Variants in KCNMA1 observed in about 807,000 individuals in gnomAD.
KCNMA1 encodes Calcium-activated potassium channel subunit alpha-1.
In KCNMA1, 29 loss-of-function variants were observed where a neutral mutation model predicts 140.0. The observed-to-expected ratio is 0.21, with a 90% CI of 0.15 to 0.28. The LOEUF (loss-of-function observed/expected upper bound fraction) is 0.28. Ranked by LOEUF, KCNMA1 falls within the 10% of genes least tolerant of loss-of-function variation. The pLI is 1.00. For missense variants in KCNMA1, 880 were observed against 1,602.2 expected, an observed-to-expected ratio of 0.55 and a Z score of 7.70; for synonymous variants, 612 against 611.9, an observed-to-expected ratio of 1.00 and a Z score of 0.00.
At chr10:77,350,104 G>A (rs558690092) in intron 2 of KCNMA1, among the ~76,000 whole-genome samples, 11 of 152,218 alleles carry the variant, frequency 7.2e-5, no homozygotes, top group Middle Eastern at 3.4e-3. Context: ...TCACCATGTT[G>A]GCCAGGCCAG....
At position 77,115,797 on chromosome 10, in the gene KCNMA1, A is replaced by G. The variant is rs1414881960; in HGVS notation, c.885-3355T>C. Among the ~76,000 whole-genome samples, 4 of 152,218 alleles carry G rather than the reference A, an allele frequency of 2.6e-5. No individual in the cohort carries two copies. The East Asian group carries it at 7.7e-4, about 29-fold the overall frequency. Reference sequence around the variant, plus strand: ...CCATGTTTAGCTCTGAAATCTGATTATTTTTATGACATCAGTATTATCACA... The same window carrying G: ...CCATGTTTAGCTCTGAAATCTGATTGTTTTTATGACATCAGTATTATCACA... On this transcript the variant is annotated intron_variant, in intron 6 of 27. Transcript: ENST00000286628.
chr10:77,615,561 G>A (rs1469292892), intron 1 of KCNMA1, among the ~76,000 whole-genome samples: 1 of 152,186 alleles, frequency 6.6e-6, no homozygotes, highest in East Asian at 1.9e-4. Context: ...TTTACAGGTG[G>A]CAAACTGAGG....
chr10:77,297,458 C>G (rs1280652901), intron 2 of KCNMA1, among the ~76,000 whole-genome samples: 1 of 152,184 alleles, frequency 6.6e-6, no homozygotes, highest in Admixed American at 6.5e-5. Flanking sequence ...CATTTTCCTT[C>G]ATTCAAGTAA....
chr10:76,948,916 C>T (rs772670265), intron 22 of KCNMA1: 10 of 597,546 alleles, frequency 1.7e-5, no homozygotes, highest in African/African-American at 9.3e-5. Flanking sequence ...ACAAGCTAAA[C>T]TTCATCCCTG....
chr10:77,477,247 C>T (rs1220800046), intron 1 of KCNMA1, among the ~76,000 whole-genome samples: 3 of 152,202 alleles, frequency 2.0e-5, no homozygotes, highest in East Asian at 1.9e-4. Flanking sequence ...TATCATAACA[C>T]GAAACACTGA....
chr10:77,291,748 A>T (rs1378975873), intron 2 of KCNMA1, among the ~76,000 whole-genome samples: 1 of 152,216 alleles, frequency 6.6e-6, no homozygotes, highest in Non-Finnish European at 1.5e-5. Flanking sequence ...AAAAGGAGTG[A>T]ACATTTTCAA....
At chr10:77,060,109 C>T (rs372101311) in intron 14 of KCNMA1, among the ~76,000 whole-genome samples, 6 of 152,054 alleles carry the variant, frequency 3.9e-5, no homozygotes, top group Non-Finnish European at 8.8e-5. Flanking sequence ...CTGGAAGATA[C>T]GACATAGTAA....
intron 19 of KCNMA1, among the ~76,000 whole-genome samples, chr10:76,994,764 CA>C (rs1163203417): frequency 6.6e-6 from 1 of 152,150 alleles, no homozygotes. Flanking sequence ...TCAAAGATCC[CA>C]AATGTTAAGA....
intron 5 of KCNMA1, among the ~76,000 whole-genome samples, chr10:77,127,366 T>G (rs912655550): frequency 6.6e-6 from 1 of 152,014 alleles, no homozygotes; most frequent in Non-Finnish European, 1.5e-5. Flanking sequence ...TGTGACAAAC[T>G]CCACAAAGCC....
At chr10:77,015,405 C>T (rs149263932) in intron 17 of KCNMA1, among the ~76,000 whole-genome samples, 2,370 of 152,218 alleles carry the variant, frequency 0.016, 20 homozygotes, top group Non-Finnish European at 0.023. Flanking sequence ...CTCTGCAGTG[C>T]TTGGCCATCC....
chr10:77,037,989 T>C (rs1565698527), intron 15 of KCNMA1, among the ~76,000 whole-genome samples: 1 of 152,160 alleles, frequency 6.6e-6, no homozygotes, highest in Non-Finnish European at 1.5e-5. Context: ...GGGCATCCAT[T>C]TTCAGAAAAT....
intron 1 of KCNMA1, among the ~76,000 whole-genome samples, chr10:77,620,006 G>A (rs1319660852): frequency 1.3e-5 from 2 of 152,138 alleles, no homozygotes; most frequent in African/African-American, 2.4e-5. Flanking sequence ...GGTCATCTCC[G>A]CTTTTCCCAG....
At chr10:76,922,414 G>A (rs1045168267) in intron 23 of KCNMA1, among the ~76,000 whole-genome samples, 4 of 151,972 alleles carry the variant, frequency 2.6e-5, no homozygotes, top group Non-Finnish European at 5.9e-5. Flanking sequence ...AAGAAACTCC[G>A]CCCCCACCCT....
At chr10:77,396,656 T>C (rs931280553) in intron 2 of KCNMA1, among the ~76,000 whole-genome samples, 12 of 152,224 alleles carry the variant, frequency 7.9e-5, no homozygotes, top group Non-Finnish European at 7.3e-5. Context: ...TGGTCCAGGC[T>C]ATGTATATAA....
intron 9 of KCNMA1, among the ~76,000 whole-genome samples, chr10:77,095,537 G>T (rs765799912): frequency 6.6e-6 from 1 of 152,114 alleles, no homozygotes; most frequent in Admixed American, 6.6e-5. Flanking sequence ...AGGGCAGTGC[G>T]GTGGGTCACG....
rs563617476 is a variant in KCNMA1 at position 76,889,823 on chromosome 10, G to A, written c.3343-254C>T. ...TCCAGTTTTCCACCTGTCGCAGTGG[G>A]GTTTGAAAGCTCTAAGGAGATTATG... On this transcript the variant is annotated intron_variant, in intron 26 of 27. Coordinates refer to ENST00000286628, the MANE Select transcript of KCNMA1 (RefSeq NM_001161352.2). 6.4e-4 allele frequency: 340 copies of A among 532,392 alleles called. 1 individual carries two copies. The highest frequency in any genetic ancestry group is 1.4e-3 in the Middle Eastern group (3 of 2,178). 33.0% of individuals were successfully genotyped at this position (532,392 alleles called of 1,614,324 possible).
intron 3 of KCNMA1, among the ~76,000 whole-genome samples, chr10:77,238,046 G>A (rs1344743385): frequency 6.6e-6 from 1 of 152,166 alleles, no homozygotes; most frequent in South Asian, 2.1e-4. Flanking sequence ...AACTGTCACA[G>A]TCGGCTGGCT....
chr10:77,297,827 C>A (rs2075580334), intron 2 of KCNMA1, among the ~76,000 whole-genome samples: 2 of 152,294 alleles, frequency 1.3e-5, no homozygotes, highest in Middle Eastern at 6.8e-3. Context: ...GGGAAGATGT[C>A]TTTAATTTCC....
At chr10:76,983,798 T>C (rs1054268770) in intron 19 of KCNMA1, among the ~76,000 whole-genome samples, 3 of 151,984 alleles carry the variant, frequency 2.0e-5, no homozygotes, top group African/African-American at 7.3e-5. Flanking sequence ...CTGAGACATA[T>C]TTCAATTCTC....
Sources: allele counts gnomAD v4.1 joint callset (sites outside exome capture counted in the v4.1 genomes callset), GRCh38; gene constraint gnomAD v4.1.1; transcripts MANE v1.5; gene names NCBI Gene and HGNC (gene_info 2026-07-23, HGNC 2026-07-21).